Variants in ABR observed in about 807,000 individuals in gnomAD.
ABR encodes the protein ABR activator of RhoGEF and GTPase.
In ABR, 35 loss-of-function variants were observed where a neutral mutation model predicts 107.2. The ratio of observed to expected loss-of-function variants is 0.33; its 90% CI spans 0.25 to 0.43. The LOEUF (loss-of-function observed/expected upper bound fraction) is 0.43. Among genes scored for constraint, ABR ranks in the 20% least tolerant of loss-of-function variants. The pLI is 1.00. For synonymous variants in ABR, 498 were observed against 462.0 expected (o/e 1.08, Z -1.00); for missense variants, 815 against 1,115.2 (o/e 0.73, Z 3.83).
intron 10 of ABR, among the ~76,000 whole-genome samples, chr17:1,060,518 C>T (rs572942619): frequency 5.9e-5 from 9 of 152,258 alleles, no homozygotes; most frequent in African/African-American, 1.4e-4. Flanking sequence ...ATTGGACACG[C>T]GGGCGCACAC....
rs76323885 is a variant in ABR, at chr17:1,127,519, G to A, written c.62-2152C>T. On this transcript the variant is annotated intron_variant, in intron 1 of 22. Coordinates refer to ENST00000302538, the MANE Select transcript of ABR (RefSeq NM_021962.5). ...GTCTGGGTCCGTGAAGGGCCTGGCCGTTTGGTGACACCCCCTCACTCTGGA... is the reference window on the plus strand; with the variant it reads ...GTCTGGGTCCGTGAAGGGCCTGGCCATTTGGTGACACCCCCTCACTCTGGA... 8.6e-3 allele frequency among the ~76,000 whole-genome samples: 1,305 copies of A among 152,262 alleles called. 40 individuals carry two copies. Among genetic ancestry groups the A allele is most frequent in the East Asian group, 0.063 (327 of 5,174 alleles).
chr17:1,146,039 C>T (rs1597966366), intron 1 of ABR, among the ~76,000 whole-genome samples: 1 of 152,304 alleles, frequency 6.6e-6, no homozygotes, highest in South Asian at 2.1e-4. Context: ...CTTCTCCCCA[C>T]TCCCAGCTCC....
chr17:1,060,248 TA>T (rs1179469836), intron 10 of ABR, among the ~76,000 whole-genome samples: 1 of 151,870 alleles, frequency 6.6e-6, no homozygotes, highest in East Asian at 1.9e-4. Context: ...CCGTCTCTAC[TA>T]AAAATGCAAA....
chr17:1,162,234 C>T (rs2041329185), intron 1 of ABR, among the ~76,000 whole-genome samples: 1 of 152,224 alleles, frequency 6.6e-6, no homozygotes, highest in Non-Finnish European at 1.5e-5. Context: ...GAACACACGT[C>T]GCCAGCATCC....
At chr17:1,047,845 A>T (rs1411626126) in intron 16 of ABR, among the ~76,000 whole-genome samples, 1 of 152,114 alleles carries the variant, frequency 6.6e-6, no homozygotes, top group East Asian at 1.9e-4. Context: ...GAAGGAGGGA[A>T]GCAATGGGGC....
intron 4 of ABR, among the ~76,000 whole-genome samples, chr17:1,089,320 C>T (rs559239229): frequency 1.3e-5 from 2 of 152,340 alleles, no homozygotes; most frequent in Admixed American, 6.5e-5. Context: ...AGGCGTCAGC[C>T]ACCACACTCA....
chr17:1,021,571 C>T (rs373359511), intron 16 of ABR, among the ~76,000 whole-genome samples: 10 of 149,046 alleles, frequency 6.7e-5, no homozygotes, highest in African/African-American at 1.2e-4. Flanking sequence ...TTTGGGAGGC[C>T]GAGGCGGGCG....
At chr17:1,059,227 C>G (rs891982520) in intron 10 of ABR, among the ~76,000 whole-genome samples, 1 of 152,184 alleles carries the variant, frequency 6.6e-6, no homozygotes, top group African/African-American at 2.4e-5. Flanking sequence ...GACCACTCCT[C>G]TAGCCCAGGG....
chr17:1,177,784 A>G (rs2041967282), intron 1 of ABR: 2 of 152,378 alleles, frequency 1.3e-5, no homozygotes, highest in South Asian at 4.1e-4. Context: ...GTTTGCAAGC[A>G]CACAGCTAAG....
upstream of ABR, among the ~76,000 whole-genome samples, chr17:1,182,614 C>A (rs893212738): frequency 6.6e-6 from 1 of 152,194 alleles, no homozygotes; most frequent in African/African-American, 2.4e-5. Flanking sequence ...GATCCGCCCG[C>A]CTCGGCCTCC....
Position 1,014,707 on chromosome 17 carries a change from G to A in ABR, c.1792-1543C>T, listed in dbSNP as rs545502097. On this transcript the variant is annotated intron_variant, in intron 16 of 22. Coordinates refer to ENST00000302538, the MANE Select transcript of ABR (RefSeq NM_021962.5). ...AAAAAATACAAAAAATTAGCCGGGC[G>A]CGGTGGTGGGCGCCTGTAGTCCCAG... 8.1e-3 allele frequency among the ~76,000 whole-genome samples: 1,235 copies of A among 151,758 alleles called. 29 individuals are homozygous for A. The highest frequency in any genetic ancestry group is 0.028 in the African/African-American group (1,152 of 41,382).
intron 21 of ABR, 73 bp from the exon 22 acceptor site, chr17:1,007,385 T>C: frequency 6.3e-7 from 1 of 1,578,794 alleles, no homozygotes; most frequent in Non-Finnish European, 8.6e-7. Flanking sequence ...CCCTTGGCCT[T>C]CGCTGTGGGA....
intron 1 of ABR, among the ~76,000 whole-genome samples, chr17:1,207,804 C>G (rs1447635665): frequency 2.6e-5 from 4 of 151,934 alleles, no homozygotes; most frequent in East Asian, 2.0e-4. Context: ...GAGTCTCGCT[C>G]TGTTGCCCAG....
intron 16 of ABR, chr17:1,031,667 C>CCCCGACT: frequency 7.2e-6 from 9 of 1,257,286 alleles, no homozygotes; most frequent in Non-Finnish European, 9.0e-6. Flanking sequence ...GGCGCTTGCT[C>CCCCGACT]CCCGACTCCT....
chr17:1,007,920 G>A (rs529261882), intron 21 of ABR, among the ~76,000 whole-genome samples: 22 of 152,332 alleles, frequency 1.4e-4, no homozygotes, highest in South Asian at 2.1e-4. Context: ...AGCTAGACCC[G>A]GGGCTCTGCC....
At chr17:1,066,937 C>T (rs149943677) in intron 10 of ABR, 140 bp downstream of exon 10, 2 of 807,966 alleles carry the variant, frequency 2.5e-6, no homozygotes, top group East Asian at 5.5e-5. Flanking sequence ...CTTGGAGCTA[C>T]TGTAGTCGGG....
chr17:1,092,920 C>A lies in ABR; in HGVS notation c.346-1070G>T, dbSNP rs1257990352. Among the ~76,000 whole-genome samples the A allele has an allele frequency of 4.5e-5, 5 of 111,918 alleles. No individual in the cohort carries two copies. Among genetic ancestry groups the A allele is most frequent in the Non-Finnish European group, 9.7e-5 (5 of 51,394 alleles). The allele number at this position is 111,918 out of a possible 152,430, so 73.4% of individuals were successfully genotyped here. A position where few individuals can be genotyped will look rare whatever the true frequency, so the allele number is the denominator to read the frequency against. On this transcript the variant is annotated intron_variant, in intron 3 of 22. Transcript: ENST00000302538. The surrounding 1 kb of genome is among the most constrained non-coding windows in gnomAD (Gnocchi z 4.6). ...ATCTCGGCTCCGCCTCCCGGGTTCA[C>A]GCCATTCTCCTGCCTCAGCCTCCCA...
rs1218085010 is a variant in ABR, at chr17:1,057,045, A to C, written c.1439T>G (p.Phe480Cys). The change falls in exon 13 of 23, where the codon TTC becomes TGC. Residue 480 changes from phenylalanine (F) to cysteine (C), a missense_variant. Around this residue, in one of 5 missense-constraint regions of ABR, gnomAD observed 385 missense variants for 596.9 expected, o/e 0.64. Transcript: ENST00000302538. ...VELQVLTGSC[F>C]KLRTVHNIPV... ...AATGTTGTGTACAGTCCTAAGCTTGAAACAGGATCCTGTGAGCACCTGGAG... is the reference window on the plus strand; with the variant it reads ...AATGTTGTGTACAGTCCTAAGCTTGCAACAGGATCCTGTGAGCACCTGGAG... 1 of 1,613,148 alleles carries C rather than the reference A, an allele frequency of 6.2e-7. No individual in the cohort carries two copies.
chr17:1,009,676 T>C lies in ABR; in HGVS notation c.2342+3A>G, dbSNP rs753253595. 2.5e-6 allele frequency: 4 copies of C among 1,612,882 alleles called. No individual in the cohort carries two copies. In the East Asian group the frequency reaches 6.7e-5, roughly 27 times the overall value. The stretch of plus-strand genomic sequence containing the variant: ...AGGTGGGGTTGGGGCCGCTCCCCGT[T>C]ACCTTTTCAAGTGTTCCAGCAGGAA... On this transcript the variant is annotated splice_donor_region_variant and intron_variant, in intron 21 of 22. Transcript: ENST00000302538.
Sources: gnomAD v4.1 joint callset for allele counts (sites outside exome capture counted in the v4.1 genomes callset) on GRCh38, gnomAD v4.1.1 for gene constraint, gnomAD v4.1.1 regional missense constraint, Gnocchi (gnomAD v3.1) non-coding constraint, MANE v1.5 for transcripts, NCBI Gene and HGNC (gene_info 2026-07-23, HGNC 2026-07-21) for gene names.